B3GLCT: variants seen among roughly 807,000 people sequenced by gnomAD.
B3GLCT encodes beta 3-glucosyltransferase, also known as beta-1,3-glucosyltransferase.
A neutral mutation model predicts 63.4 loss-of-function variants in B3GLCT; 65 were observed. The ratio of observed to expected loss-of-function variants is 1.03; its 90% CI spans 0.84 to 1.26. The LOEUF (loss-of-function observed/expected upper bound fraction) is 1.26, where lower values mean the gene tolerates loss of function less well. Among genes scored for constraint, B3GLCT ranks in the 50% most tolerant of loss-of-function variants. The pLI is 0.00. For missense variants in B3GLCT, 577 were observed against 604.8 expected, an observed-to-expected ratio of 0.95 and a Z score of 0.48; for synonymous variants, 233 against 219.2, an observed-to-expected ratio of 1.06 and a Z score of -0.55.
intron 3 of B3GLCT, among the ~76,000 whole-genome samples, chr13:31,223,746 G>A (rs1210078353): frequency 6.6e-6 from 1 of 152,172 alleles, no homozygotes; most frequent in Non-Finnish European, 1.5e-5. Context: ...TAGGAGGAAT[G>A]ACCCAAGTCT....
rs897245904 is a variant in B3GLCT at position 31,253,280 on chromosome 13, C to T, written c.459+5314C>T. 2.0e-5 allele frequency among the ~76,000 whole-genome samples: 3 copies of T among 152,098 alleles called. No individual in the cohort carries two copies. In the South Asian group the frequency reaches 6.2e-4, roughly 32 times the overall value. On this transcript the variant is annotated intron_variant, in intron 6 of 14. Transcript: ENST00000343307. ...AGGCAGGAAAGATCGAAAATCGACA[C>T]TCTAACATCACAATTAAAAGAATAG...
chr13:31,290,899 C>T (rs1011265361), intron 12 of B3GLCT, among the ~76,000 whole-genome samples: 29 of 152,074 alleles, frequency 1.9e-4, no homozygotes, highest in African/African-American at 4.6e-4. Flanking sequence ...CTTTTGTTGC[C>T]GTTGCCTTTG....
At chr13:31,279,441 G>A (rs1872954337) in intron 10 of B3GLCT, among the ~76,000 whole-genome samples, 1 of 152,080 alleles carries the variant, frequency 6.6e-6, no homozygotes, top group Non-Finnish European at 1.5e-5. Context: ...TTAAAGCTGG[G>A]TGTCCGGGGG....
intron 9 of B3GLCT, among the ~76,000 whole-genome samples, chr13:31,275,355 C>T (rs908100581): frequency 5.9e-5 from 9 of 152,218 alleles, no homozygotes; most frequent in African/African-American, 2.2e-4. Flanking sequence ...AAGGGCTCCC[C>T]TTTACTCCAG....
At chr13:31,312,477 A>G (rs1874764254) in intron 12 of B3GLCT, 1 of 152,216 alleles carries the variant, frequency 6.6e-6, no homozygotes, top group African/African-American at 2.4e-5. Context: ...TATAGAGTAA[A>G]AATAGAAAGC....
intron 4 of B3GLCT, among the ~76,000 whole-genome samples, chr13:31,233,882 CT>C: frequency 1.3e-5 from 2 of 152,206 alleles, no homozygotes; most frequent in Middle Eastern, 6.8e-3. Flanking sequence ...CTCATTCATT[CT>C]TTTGGTATTT....
intron 12 of B3GLCT, among the ~76,000 whole-genome samples, chr13:31,291,432 C>G (rs1189454226): frequency 6.6e-6 from 1 of 152,164 alleles, no homozygotes; most frequent in Non-Finnish European, 1.5e-5. Flanking sequence ...TGGCCGTTTT[C>G]ACAATACTGA....
At chr13:31,208,735 A>G (rs1566039771) in intron 1 of B3GLCT, among the ~76,000 whole-genome samples, 1 of 147,326 alleles carries the variant, frequency 6.8e-6, no homozygotes. Context: ...CAGCCGTCCC[A>G]CACACTGCCT....
At chr13:31,279,966 C>G (rs1872983283) in intron 10 of B3GLCT, among the ~76,000 whole-genome samples, 1 of 152,196 alleles carries the variant, frequency 6.6e-6, no homozygotes, top group Non-Finnish European at 1.5e-5. Flanking sequence ...TGGCTCTGTT[C>G]TGCCCAGCCT....
intron 8 of B3GLCT, among the ~76,000 whole-genome samples, chr13:31,272,011 T>TG (rs542074567): frequency 7.8e-4 from 119 of 152,264 alleles, no homozygotes; most frequent in African/African-American, 2.7e-3. Context: ...TAATCGTTTT[T>TG]TGTCTTTTTC....
Position 31,229,310 on chromosome 13 carries a change from TG to T in B3GLCT, c.270+22del. The T allele has an allele frequency of 6.4e-6, 9 of 1,414,538 alleles. No homozygotes were observed. The highest frequency in any genetic ancestry group is 1.4e-5 in the African/African-American group (1 of 71,144). 87.6% of individuals were successfully genotyped at this position (1,414,538 alleles called of 1,614,324 possible). A position where few individuals can be genotyped will look rare whatever the true frequency, so the allele number is the denominator to read the frequency against. On this transcript the variant is annotated intron_variant, in intron 4 of 14. Transcript: ENST00000343307. ...TCTTACACAGGTACGTAGCGATGGC[TG>T]GGGGGTCTGCCAGTTATGTATTTCT...
chr13:31,206,108 G>A lies in B3GLCT; in HGVS notation c.70+5954G>A, dbSNP rs552745077. On this transcript the variant is annotated intron_variant, in intron 1 of 14. Coordinates refer to ENST00000343307, the MANE Select transcript of B3GLCT (RefSeq NM_194318.4). ...GGGGATATGGAGGAGCTTGTTTTTC[G>A]TTTACGAGCTAAATGAAGTAAAGGA... Among the ~76,000 whole-genome samples, 7 of 152,206 alleles carry A rather than the reference G, an allele frequency of 4.6e-5. No individual in the cohort carries two copies. In the East Asian group the frequency reaches 9.6e-4, roughly 21 times the overall value.
In B3GLCT at chr13:31,255,672, T is replaced by C. The variant is rs145736027; in HGVS notation, c.460-5274T>C. Among the ~76,000 whole-genome samples the C allele has an allele frequency of 4.6e-5, 7 of 152,280 alleles. No homozygotes were observed. In the East Asian group the frequency reaches 1.2e-3, roughly 25 times the overall value. Reference sequence around the variant, plus strand: ...CACACATCTACAACCATCTGATCTTTGACAAACCTGATGAAAGCAATAGGG... The same window carrying C: ...CACACATCTACAACCATCTGATCTTCGACAAACCTGATGAAAGCAATAGGG... On this transcript the variant is annotated intron_variant, in intron 6 of 14. Transcript: ENST00000343307.
chr13:31,227,935 T>C (rs1434189652), intron 3 of B3GLCT, among the ~76,000 whole-genome samples: 1 of 152,242 alleles, frequency 6.6e-6, no homozygotes, highest in Non-Finnish European at 1.5e-5. Context: ...GGCAGGGTGC[T>C]GACACAATCA....
intron 14 of B3GLCT, 53 bp downstream of exon 14, chr13:31,323,948 C>T (rs928208076): frequency 3.1e-6 from 5 of 1,599,012 alleles, no homozygotes; most frequent in Admixed American, 1.7e-5. Flanking sequence ...ACAGATTCTT[C>T]TCACTTAAGG....
At chr13:31,269,132 A>T in intron 7 of B3GLCT, 82 bp from the exon 8 acceptor site, 2 of 927,822 alleles carry the variant, frequency 2.2e-6, no homozygotes, top group Admixed American at 1.8e-5. Context: ...CTGTTTTCAA[A>T]CACTAGAAAG....
intron 4 of B3GLCT, among the ~76,000 whole-genome samples, chr13:31,240,118 G>A (rs1870852214): frequency 6.6e-6 from 1 of 152,098 alleles, no homozygotes; most frequent in South Asian, 2.1e-4. Context: ...AAGGCAACCT[G>A]CAAATACTGC....
intron 2 of B3GLCT, among the ~76,000 whole-genome samples, chr13:31,215,523 C>T (rs1869515555): frequency 6.6e-6 from 1 of 152,156 alleles, no homozygotes; most frequent in Admixed American, 6.5e-5. Context: ...AAGCGATTCT[C>T]CTGTCTCAGC....
At chr13:31,313,184 A>G (rs2137926788) in intron 12 of B3GLCT, among the ~76,000 whole-genome samples, 1 of 152,296 alleles carries the variant, frequency 6.6e-6, no homozygotes, top group South Asian at 2.1e-4. Flanking sequence ...CTTTTCATGT[A>G]CTTTGTTTTG....
Sources: gnomAD v4.1 joint callset for allele counts (sites outside exome capture counted in the v4.1 genomes callset) on GRCh38, gnomAD v4.1.1 for gene constraint, MANE v1.5 for transcripts, NCBI Gene and HGNC (gene_info 2026-07-23, HGNC 2026-07-21) for gene names.